RBCK1: variants seen among roughly 807,000 people sequenced by gnomAD.
The protein encoded by RBCK1 is RANBP2-type and C3HC4-type zinc finger containing 1.
A neutral mutation model predicts 71.1 loss-of-function variants in RBCK1; 44 were observed. The observed-to-expected ratio is 0.62, with a 90% CI of 0.49 to 0.80. RBCK1 has a LOEUF of 0.80. Among genes scored for constraint, RBCK1 ranks in the 30% least tolerant of loss-of-function variants. The pLI is 0.00. For synonymous variants in RBCK1, 306 were observed against 279.7 expected (o/e 1.09, Z -0.94); for missense variants, 569 against 685.0 (o/e 0.83, Z 1.89).
Position 418,432 on chromosome 20 carries a change from A to C in RBCK1, c.460+502A>C, listed in dbSNP as rs150357183. Among the ~76,000 whole-genome samples the C allele has an allele frequency of 1.1e-3, 162 of 151,916 alleles. No homozygotes were observed. The Middle Eastern group carries it at 0.024, about 22-fold the overall frequency. Reference sequence around the variant, plus strand: ...CGCCCAGGCTGGAGTGCAGTGGCACAATCTCGGCTCACTGCAAGCTCCGAC... The same window carrying C: ...CGCCCAGGCTGGAGTGCAGTGGCACCATCTCGGCTCACTGCAAGCTCCGAC... On this transcript the variant is annotated intron_variant, in intron 4 of 11. Transcript: ENST00000356286.
In RBCK1 at chr20:428,091, T is replaced by C. The variant is rs1322847428; in HGVS notation, c.1210-400T>C. 1.3e-5 allele frequency among the ~76,000 whole-genome samples: 2 copies of C among 152,176 alleles called. No homozygotes were observed. The highest frequency in any genetic ancestry group is 4.8e-5 in the African/African-American group (2 of 41,444). ...GCCGGTAAACAGGTCTGGAGCCTGGTCTCAGACTCAGCCTGAGCAAGCTCA... is the reference window on the plus strand; with the variant it reads ...GCCGGTAAACAGGTCTGGAGCCTGGCCTCAGACTCAGCCTGAGCAAGCTCA... On this transcript the variant is annotated intron_variant, in intron 9 of 11. Transcript: ENST00000356286. This position sits in a 1 kb window ranked among gnomAD's most constrained non-coding sequence, Gnocchi z 5.7.
Position 427,414 on chromosome 20 carries a change from G to C in RBCK1, c.1131G>C (p.Lys377Asn). ...FSYHCKTPDC[K>N]GWCFFEDDVN... is the part of the protein sequence containing the mutation. ...ACCATTGCAAGACCCCAGATTGCAA[G>C]GGATGGTGCTTCTTTGAGGATGATG... Residue 377 changes from lysine to asparagine, a missense_variant, in exon 9 of 12, where the codon AAG (lysine) becomes AAC (asparagine). Physicochemically the swap from Lys to Asn is moderately conservative, Grantham distance 94. Around this residue, in one of 2 missense-constraint regions of RBCK1, gnomAD observed 211 missense variants for 309.4 expected, o/e 0.68. Coordinates refer to ENST00000356286, the MANE Select transcript of RBCK1 (RefSeq NM_031229.4). The C allele has an allele frequency of 6.2e-7, 1 of 1,614,172 alleles. No homozygotes were observed. The highest frequency in any genetic ancestry group is 8.5e-7 in the Non-Finnish European group (1 of 1,180,030).
chr20:415,100 G>A (rs1254201363), intron 2 of RBCK1, among the ~76,000 whole-genome samples: 3 of 152,136 alleles, frequency 2.0e-5, no homozygotes, highest in Admixed American at 6.6e-5. Flanking sequence ...ACTTGGCGGG[G>A]CACGATGGAT....
intron 2 of RBCK1, among the ~76,000 whole-genome samples, chr20:411,953 T>C (rs2015733941): frequency 6.6e-6 from 1 of 152,260 alleles, no homozygotes; most frequent in South Asian, 2.1e-4. Flanking sequence ...AACATTTGTG[T>C]CCAACTTTTT....
intron 4 of RBCK1, 131 bp downstream of exon 4, chr20:418,061 G>A: frequency 1.1e-6 from 1 of 910,938 alleles, no homozygotes; most frequent in Middle Eastern, 3.5e-4. Context: ...TCCAAGTGGG[G>A]AAGAGAGGAC....
At position 419,716 on chromosome 20, in the gene RBCK1, G is replaced by T; in HGVS notation, c.741G>T (p.Leu247=). ...RARLAGEEEA[L]RQYQQRKQQQ... The stretch of plus-strand genomic sequence containing the variant: ...GCCTGGCGGGCGAGGAGGAGGCGCT[G>T]CGTCAGTACCAGCAGGTGGGCGGGA... Residue 247 remains leucine, a synonymous_variant, in exon 6 of 12, where the codon CTG becomes CTT. Coordinates refer to ENST00000356286, the MANE Select transcript of RBCK1 (RefSeq NM_031229.4). The T allele has an allele frequency of 3.2e-6, 5 of 1,562,248 alleles. No individual in the cohort carries two copies. The highest frequency in any genetic ancestry group is 3.5e-6 in the Non-Finnish European group (4 of 1,157,540).
At chr20:413,766 G>A (rs2015834074) in intron 2 of RBCK1, among the ~76,000 whole-genome samples, 1 of 152,004 alleles carries the variant, frequency 6.6e-6, no homozygotes, top group Non-Finnish European at 1.5e-5. Context: ...CGATGGACCC[G>A]ATGCTTCCTA....
At chr20:411,609 C>T (rs535526859) in intron 2 of RBCK1, among the ~76,000 whole-genome samples, 4 of 152,320 alleles carry the variant, frequency 2.6e-5, no homozygotes, top group East Asian at 1.9e-4. Context: ...CCTCGTGATC[C>T]GCCCGCCTAT....
At chr20:414,130 G>A (rs1474462733) in intron 2 of RBCK1, among the ~76,000 whole-genome samples, 1 of 151,948 alleles carries the variant, frequency 6.6e-6, no homozygotes, top group Non-Finnish European at 1.5e-5. Context: ...ACTCCAATGA[G>A]CAGGTATAAA....
intron 2 of RBCK1, among the ~76,000 whole-genome samples, chr20:415,336 C>T (rs756372483): frequency 1.4e-4 from 21 of 151,216 alleles, no homozygotes; most frequent in Admixed American, 5.3e-4. Flanking sequence ...CCACTACACT[C>T]CATCCTGGGT....
rs1463265742 is a variant in RBCK1, at chr20:431,428, C to A, written c.*998C>A. ...AGTATTTACTAGAACCCACTCTGTGCTGGTCGGAGGTTACTAAGACAGGGT... is the reference window on the plus strand; with the variant it reads ...AGTATTTACTAGAACCCACTCTGTGATGGTCGGAGGTTACTAAGACAGGGT... On this transcript the variant is annotated 3_prime_UTR_variant, in exon 12 of 12. Transcript: ENST00000356286. The surrounding 1 kb of genome is among the most constrained non-coding windows in gnomAD (Gnocchi z 4.8). Among the ~76,000 whole-genome samples, 1 of 152,208 alleles carries A rather than the reference C, an allele frequency of 6.6e-6. No individual in the cohort carries two copies. The highest frequency in any genetic ancestry group is 1.5e-5 in the Non-Finnish European group (1 of 68,034).
chr20:421,265 C>G (rs943226784), intron 7 of RBCK1, among the ~76,000 whole-genome samples: 39 of 152,246 alleles, frequency 2.6e-4, no homozygotes, highest in African/African-American at 8.7e-4. Flanking sequence ...TGAGCGCAGG[C>G]GTGGGGGGAG....
In RBCK1 at chr20:420,929, G is replaced by T; in HGVS notation, c.815G>T (p.Ser272Ile). 1 of 1,555,312 alleles carries T rather than the reference G, an allele frequency of 6.4e-7. No homozygotes were observed. Residue 272 changes from serine to isoleucine, a missense_variant, in exon 7 of 12, where the codon AGC becomes ATC. By Grantham distance (142) the Ser-to-Ile change is moderately radical (BLOSUM62 -2). This residue lies in a region of RBCK1 where 358 missense variants were observed against 375.6 expected (regional missense o/e 0.95). Coordinates refer to ENST00000356286, the MANE Select transcript of RBCK1 (RefSeq NM_031229.4). ...CAGCACGTCCAGCTGGACCAGAGGA[G>T]CCTGGTGCTGAACACGGAGCCCGCC... ...YLQHVQLDQR[S>I]LVLNTEPAEC...
In RBCK1 at chr20:417,502, C is replaced by G; in HGVS notation, c.168-24C>G. 6.2e-7 allele frequency: 1 copy of G among 1,609,896 alleles called. No homozygotes were observed. The highest frequency in any genetic ancestry group is 8.5e-7 in the Non-Finnish European group (1 of 1,177,978). On this transcript the variant is annotated intron_variant, in intron 2 of 11. Coordinates refer to ENST00000356286, the MANE Select transcript of RBCK1 (RefSeq NM_031229.4). The surrounding 1 kb of genome is among the most constrained non-coding windows in gnomAD (Gnocchi z 4.7). ...GCTGGACCCCTGGCCAGAGCCCATG[C>G]TGAGCCCCTGCTGTTCTCTGCAGGC...
At position 428,576 on chromosome 20, in the gene RBCK1, C is replaced by A. The variant is rs753800040; in HGVS notation, c.1295C>A (p.Thr432Lys). The A allele has an allele frequency of 6.2e-7, 1 of 1,611,136 alleles. No individual in the cohort carries two copies. Among genetic ancestry groups the A allele is most frequent in the South Asian group, 1.1e-5 (1 of 90,234 alleles). The part of the protein sequence containing the change: ...AQNDVAARQT[T>K]EMLKVMLQQG... ...AACGATGTGGCTGCCCGGCAGACGA[C>A]AGAGATGCTGAAGGTGAGGCTGGGA... Residue 432 changes from threonine (T) to lysine (K), a missense_variant, in exon 10 of 12, where the codon ACA becomes AAA. Coordinates refer to ENST00000356286, the MANE Select transcript of RBCK1 (RefSeq NM_031229.4). This position sits in a 1 kb window ranked among gnomAD's most constrained non-coding sequence, Gnocchi z 5.7.
intron 2 of RBCK1, among the ~76,000 whole-genome samples, chr20:415,271 G>A (rs998600778): frequency 6.6e-6 from 1 of 152,100 alleles, no homozygotes; most frequent in Non-Finnish European, 1.5e-5. Flanking sequence ...AGGAGGCTGA[G>A]GTGGGAGGGT....
chr20:418,593 C>G (rs1028086148), intron 4 of RBCK1, among the ~76,000 whole-genome samples: 1 of 152,166 alleles, frequency 6.6e-6, no homozygotes, highest in Non-Finnish European at 1.5e-5. Context: ...TGGTCTCGAT[C>G]TCCTGACTTT....
At chr20:409,827 C>T in intron 1 of RBCK1, 54 bp from the exon 2 acceptor site, 6 of 1,580,428 alleles carry the variant, frequency 3.8e-6, no homozygotes, top group Non-Finnish European at 5.2e-6. Flanking sequence ...CCATTACTCT[C>T]AGCTCCTGAA....
chr20:419,818 CCT>C, intron 6 of RBCK1, 87 bp downstream of exon 6: 1 of 1,464,840 alleles, frequency 6.8e-7, no homozygotes, highest in Non-Finnish European at 9.0e-7. Flanking sequence ...CACTGCCGCG[CCT>C]CTCCGTTACT....
Sources: gnomAD v4.1 joint callset for allele counts (sites outside exome capture counted in the v4.1 genomes callset) on GRCh38, gnomAD v4.1.1 for gene constraint, gnomAD v4.1.1 regional missense constraint, Gnocchi (gnomAD v3.1) non-coding constraint, MANE v1.5 for transcripts, NCBI Gene and HGNC (gene_info 2026-07-23, HGNC 2026-07-21) for gene names.